DCC: variants seen among roughly 807,000 people sequenced by gnomAD.
DCC encodes the protein DCC netrin 1 receptor.
Under a neutral mutation model 172.5 loss-of-function variants are expected in DCC, and 58 were observed. The observed-to-expected ratio is 0.34, with a 90% CI of 0.27 to 0.42. DCC has a LOEUF of 0.42. DCC is among the 10% of genes least tolerant of loss of function. The pLI, the probability that DCC is intolerant of heterozygous loss-of-function variation, is 1.00. For synonymous variants in DCC, 709 were observed against 644.5 expected (o/e 1.10, Z -1.52); for missense variants, 1,740 against 1,791.0 (o/e 0.97, Z 0.51).
chr18:53,136,453 CGCAAGA>C (rs1212840069), intron 7 of DCC, among the ~76,000 whole-genome samples: 3 of 151,856 alleles, frequency 2.0e-5, no homozygotes, highest in Admixed American at 1.3e-4. Context: ...TTTTTAGTTT[CGCAAGA>C]CAATGAAAAA....
intron 1 of DCC, among the ~76,000 whole-genome samples, chr18:52,342,379 C>T (rs897728681): frequency 2.7e-5 from 4 of 149,750 alleles, no homozygotes; most frequent in African/African-American, 7.3e-5. Flanking sequence ...CCGTCTGTCC[C>T]TCCCGGGCCG....
At chr18:52,740,185 T>C (rs1417456524) in intron 1 of DCC, among the ~76,000 whole-genome samples, 1 of 152,182 alleles carries the variant, frequency 6.6e-6, no homozygotes, top group Non-Finnish European at 1.5e-5. Context: ...AGAGGCTTCA[T>C]TCTTGCTCCC....
chr18:52,931,217 G>A (rs2040302492), intron 5 of DCC, among the ~76,000 whole-genome samples: 1 of 151,906 alleles, frequency 6.6e-6, no homozygotes, highest in Non-Finnish European at 1.5e-5. Context: ...TATAAAGTTA[G>A]GATTATCCTG....
chr18:53,335,066 T>C (rs1181966213), intron 14 of DCC, among the ~76,000 whole-genome samples: 4 of 152,070 alleles, frequency 2.6e-5, no homozygotes, highest in African/African-American at 7.2e-5. Context: ...CTGACTCTCT[T>C]TTTATCTTTT....
At chr18:52,689,788 A>G (rs17682146) in intron 1 of DCC, among the ~76,000 whole-genome samples, 6,954 of 152,232 alleles carry the variant, frequency 0.046, 239 homozygotes, top group South Asian at 0.16. Flanking sequence ...ATTTCCTTCA[A>G]TCACTTATGT....
At chr18:52,714,747 G>A (rs552257497) in intron 1 of DCC, among the ~76,000 whole-genome samples, 1 of 152,244 alleles carries the variant, frequency 6.6e-6, no homozygotes, top group South Asian at 2.1e-4. Flanking sequence ...CTTCCAAGTT[G>A]ATACTAATAT....
intron 7 of DCC, among the ~76,000 whole-genome samples, chr18:53,102,153 C>A (rs572005032): frequency 6.6e-6 from 1 of 152,178 alleles, no homozygotes; most frequent in South Asian, 2.1e-4. Context: ...ACTGCTTCAC[C>A]ATAAAGACAG....
At chr18:52,969,619 C>CTCTCTCTT (rs1264733827) in intron 5 of DCC, among the ~76,000 whole-genome samples, 3 of 138,870 alleles carry the variant, frequency 2.2e-5, no homozygotes, top group African/African-American at 7.8e-5. Context: ...CTCTCTCTCT[C>CTCTCTCTT]TCTTTCTGTG....
chr18:53,231,914 CA>C (rs1159979146), intron 12 of DCC, among the ~76,000 whole-genome samples: 1 of 152,034 alleles, frequency 6.6e-6, no homozygotes, highest in Non-Finnish European at 1.5e-5. Flanking sequence ...TCTGATTTTC[CA>C]ATAGTTCATT....
At chr18:52,432,369 C>T (rs1987653928) in intron 1 of DCC, among the ~76,000 whole-genome samples, 2 of 152,074 alleles carry the variant, frequency 1.3e-5, no homozygotes, top group Admixed American at 6.6e-5. Flanking sequence ...CTTTGATGTG[C>T]TCTTCTTATT....
chr18:53,160,444 A>T (rs1410206792), intron 8 of DCC, among the ~76,000 whole-genome samples: 1 of 152,180 alleles, frequency 6.6e-6, no homozygotes, highest in African/African-American at 2.4e-5. Flanking sequence ...CAGTAAACAC[A>T]GCAATTAAAT....
intron 1 of DCC, among the ~76,000 whole-genome samples, chr18:52,594,886 A>G (rs1226019132): frequency 1.3e-5 from 2 of 152,152 alleles, no homozygotes; most frequent in African/African-American, 4.8e-5. Context: ...CACCAGGCCC[A>G]CCTCCAACAT....
At chr18:53,135,418 T>C (rs1388720907) in intron 7 of DCC, among the ~76,000 whole-genome samples, 2 of 152,170 alleles carry the variant, frequency 1.3e-5, no homozygotes, top group Admixed American at 6.5e-5. Flanking sequence ...AAAAAACATG[T>C]ATATTTTATG....
chr18:53,241,306 A>G (rs992476639), intron 12 of DCC, among the ~76,000 whole-genome samples: 2 of 152,182 alleles, frequency 1.3e-5, no homozygotes, highest in South Asian at 2.1e-4. Context: ...AGCCGAGATG[A>G]AAGTGACAGT....
At chr18:52,887,748 T>C (rs1369589592) in intron 2 of DCC, among the ~76,000 whole-genome samples, 1 of 152,220 alleles carries the variant, frequency 6.6e-6, no homozygotes, top group African/African-American at 2.4e-5. Flanking sequence ...TCCAGTTTCA[T>C]AGTATAGCTT....
At chr18:53,491,888 C>G (rs1019763936) in intron 26 of DCC, among the ~76,000 whole-genome samples, 2 of 152,144 alleles carry the variant, frequency 1.3e-5, no homozygotes, top group African/African-American at 4.8e-5. Flanking sequence ...AATTGCCACA[C>G]TGTCTTCCAC....
chr18:52,390,811 A>G (rs1986001453), intron 1 of DCC, among the ~76,000 whole-genome samples: 1 of 152,112 alleles, frequency 6.6e-6, no homozygotes, highest in South Asian at 2.1e-4. Flanking sequence ...TCCCCAGATC[A>G]CTAAGTCAGA....
At chr18:52,379,488 C>T (rs1037230342) in intron 1 of DCC, among the ~76,000 whole-genome samples, 5 of 152,158 alleles carry the variant, frequency 3.3e-5, no homozygotes, top group Admixed American at 2.0e-4. Flanking sequence ...TCAACACTCT[C>T]CTCTCCACTG....
At chr18:53,071,544 T>C (rs1038999488) in intron 7 of DCC, among the ~76,000 whole-genome samples, 4 of 152,166 alleles carry the variant, frequency 2.6e-5, no homozygotes, top group African/African-American at 4.8e-5. Flanking sequence ...CATGCACAAA[T>C]AGAGGATGGA....
Sources: gnomAD v4.1 joint callset for allele counts (sites outside exome capture counted in the v4.1 genomes callset) on GRCh38, gnomAD v4.1.1 for gene constraint, MANE v1.5 for transcripts, NCBI Gene and HGNC (gene_info 2026-07-23, HGNC 2026-07-21) for gene names.